Variants in RGPD4 observed in about 807,000 individuals in gnomAD.
RGPD4 encodes ranBP2-like and GRIP domain-containing protein 4.
A neutral mutation model predicts 141.1 loss-of-function variants in RGPD4; 84 were observed. The observed-to-expected ratio is 0.60, with a 90% CI of 0.50 to 0.71. The LOEUF (loss-of-function observed/expected upper bound fraction) is 0.71. Ranked by LOEUF, RGPD4 falls within the 30% of genes least tolerant of loss-of-function variation. The pLI is 0.00. For missense variants in RGPD4, 918 were observed against 1,622.4 expected (o/e 0.57, Z 7.46); for synonymous variants, 298 against 566.8 (o/e 0.53, Z 6.74).
intron 22 of RGPD4, among the ~76,000 whole-genome samples, chr2:107,883,600 C>G (rs55665592): frequency 0.064 from 8,884 of 138,628 alleles, 339 homozygotes; most frequent in Non-Finnish European, 0.094. Context: ...GTACTCCAGC[C>G]TGACGGCAGA....
At position 107,826,915 on chromosome 2, in the gene RGPD4, CG is replaced by C; in HGVS notation, c.-97del. The C allele has an allele frequency of 3.9e-6, 6 of 1,546,092 alleles. No individual in the cohort carries two copies. Among genetic ancestry groups the C allele is most frequent in the Non-Finnish European group, 4.4e-6 (5 of 1,144,978 alleles). ...TCACAGTGGTCCTCCGCCGGCTACG[CG>C]GAGTCAGTGGCTTTCAGGCGCTTTC... On this transcript the variant is annotated 5_prime_UTR_variant, in exon 1 of 23. Transcript: ENST00000408999.
intron 6 of RGPD4, among the ~76,000 whole-genome samples, chr2:107,845,474 C>G (rs551545787): frequency 1.3e-5 from 2 of 150,314 alleles, no homozygotes; most frequent in African/African-American, 5.0e-5. Context: ...TGGAGTCACT[C>G]GGGAGAATCT....
chr2:107,887,135 G>A (rs3178996), intron 22 of RGPD4, among the ~76,000 whole-genome samples: 7 of 151,250 alleles, frequency 4.6e-5, no homozygotes, highest in South Asian at 2.1e-4. Context: ...CTAGCTACTC[G>A]GGAGGCTAAG....
At chr2:107,858,059 T>C (rs1225651089) in intron 9 of RGPD4, among the ~76,000 whole-genome samples, 1 of 152,008 alleles carries the variant, frequency 6.6e-6, no homozygotes, top group Non-Finnish European at 1.5e-5. Flanking sequence ...TAAATGGTTA[T>C]GTATGATTTA....
Position 107,891,861 on chromosome 2 carries a change from G to A in RGPD4, c.*1130G>A, listed in dbSNP as rs1001480787. On this transcript the variant is annotated 3_prime_UTR_variant, in exon 23 of 23. Transcript: ENST00000408999. ...GGGATTTTAGACACCTTAGAGGTCC[G>A]TGCTACATCTTCACAGTTCCTCTGA... 1.4e-4 allele frequency among the ~76,000 whole-genome samples: 17 copies of A among 123,158 alleles called. 2 individuals are homozygous for A. The highest frequency in any genetic ancestry group is 9.9e-4 in the East Asian group (5 of 5,070). The allele number at this position is 123,158 out of a possible 152,430, so 80.8% of individuals were successfully genotyped here.
chr2:107,830,337 C>A (rs927487497), intron 1 of RGPD4, among the ~76,000 whole-genome samples: 37 of 88,432 alleles, frequency 4.2e-4, no homozygotes, highest in East Asian at 5.1e-4. Flanking sequence ...TTTTTTTAAA[C>A]AAGCTTAAAA....
At chr2:107,882,348 C>T (rs185253640) in intron 21 of RGPD4, among the ~76,000 whole-genome samples, 1 of 151,998 alleles carries the variant, frequency 6.6e-6, no homozygotes, top group Admixed American at 6.5e-5. Flanking sequence ...TCCTTCCAAC[C>T]CAAATAGCTT....
In RGPD4 at chr2:107,880,200, C is replaced by T. The variant is rs1431600456; in HGVS notation, c.5064+93C>T. On this transcript the variant is annotated intron_variant, in intron 21 of 22. Transcript: ENST00000408999. ...TACCCAAGTTTAAAAATTCACATTG[C>T]AGATGCATCTATAACGTCTTGATCT... The T allele has an allele frequency of 1.0e-4, 160 of 1,561,170 alleles. No individual in the cohort carries two copies. In the Admixed American group the frequency reaches 2.7e-3, roughly 26 times the overall value.
At position 107,884,546 on chromosome 2, in the gene RGPD4, A is replaced by G. The variant is rs1675458173; in HGVS notation, c.5266+1673A>G. On this transcript the variant is annotated intron_variant, in intron 22 of 22. Coordinates refer to ENST00000408999, the MANE Select transcript of RGPD4 (RefSeq NM_182588.3). ...ACAGGGTAACACTGAGCTTGTTCCA[A>G]TTGCCTATAAATAGGAAGATCCAGG... Among the ~76,000 whole-genome samples the G allele has an allele frequency of 3.4e-5, 5 of 147,664 alleles. No homozygotes were observed. In the Admixed American group the frequency reaches 3.4e-4, roughly 10 times the overall value.
At chr2:107,888,775 C>A (rs1675575469) in intron 22 of RGPD4, among the ~76,000 whole-genome samples, 2 of 107,220 alleles carry the variant, frequency 1.9e-5, no homozygotes, top group South Asian at 3.7e-4. Context: ...CACAGGCCAT[C>A]AGTTTAGCAG....
At chr2:107,849,455 C>T (rs1297721372) in intron 7 of RGPD4, among the ~76,000 whole-genome samples, 2 of 136,844 alleles carry the variant, frequency 1.5e-5, no homozygotes, top group Non-Finnish European at 3.1e-5. Flanking sequence ...CAAGCTCCAC[C>T]TCCCGAGTTC....
chr2:107,827,094 A>T lies in RGPD4; in HGVS notation c.72+9A>T. The T allele has an allele frequency of 6.3e-7, 1 of 1,587,862 alleles. No homozygotes were observed. The highest frequency in any genetic ancestry group is 8.6e-7 in the Non-Finnish European group (1 of 1,168,670). ...CCCCGTCGCCTCGAAAGGTGAGTGGATCTCGAAGAGACCGACGGCCTCGAC... is the reference window on the plus strand; with the variant it reads ...CCCCGTCGCCTCGAAAGGTGAGTGGTTCTCGAAGAGACCGACGGCCTCGAC... On this transcript the variant is annotated intron_variant, in intron 1 of 22. Coordinates refer to ENST00000408999, the MANE Select transcript of RGPD4 (RefSeq NM_182588.3).
Position 107,871,721 on chromosome 2 carries a change from T to C in RGPD4, c.3717T>C (p.Asn1239=). 6.2e-7 allele frequency: 1 copy of C among 1,610,540 alleles called. No individual in the cohort carries two copies. The stretch of plus-strand genomic sequence containing the variant: ...CCTCAGACACAACAATAAAACCCAA[T>C]CCTGAAAACACTGGGCCCACATTAG... ...AGASDTTIKP[N]PENTGPTLEW... Residue 1239 remains asparagine (N), a synonymous_variant, in exon 20 of 23, where the codon AAT becomes AAC. Transcript: ENST00000408999.
rs1467077823 is a variant in RGPD4, at chr2:107,859,669, G to A, written c.1635-53G>A. On this transcript the variant is annotated intron_variant, in intron 11 of 22. Coordinates refer to ENST00000408999, the MANE Select transcript of RGPD4 (RefSeq NM_182588.3). ...GACCCATTAACATATATGTATGTAA[G>A]CGCTGAACTGTGTATTTAGAAAGCA... is the stretch of plus-strand genomic sequence containing the variant. 6.2e-6 allele frequency: 10 copies of A among 1,610,972 alleles called. No homozygotes were observed. The Admixed American group carries it at 1.5e-4, about 24-fold the overall frequency.
At chr2:107,845,709 G>A (rs1273542077) in intron 6 of RGPD4, among the ~76,000 whole-genome samples, 35 of 152,074 alleles carry the variant, frequency 2.3e-4, no homozygotes, top group African/African-American at 5.8e-4. Flanking sequence ...GACTACAGGC[G>A]CCCACCACCA....
Position 107,891,268 on chromosome 2 carries a change from C to T in RGPD4, c.*537C>T, listed in dbSNP as rs1481966186. Among the ~76,000 whole-genome samples the T allele has an allele frequency of 7.4e-6, 1 of 135,078 alleles. No individual in the cohort carries two copies. Among genetic ancestry groups the T allele is most frequent in the Non-Finnish European group, 1.6e-5 (1 of 63,336 alleles). 88.6% of individuals were successfully genotyped at this position (135,078 alleles called of 152,430 possible). ...AGGCTAGTGAGCTGTGATTGTACCA[C>T]TGCACTCCAGCTCGGGGAACAGAGC... On this transcript the variant is annotated 3_prime_UTR_variant, in exon 23 of 23. Transcript: ENST00000408999.
intron 17 of RGPD4, among the ~76,000 whole-genome samples, chr2:107,865,651 G>A (rs1438853774): frequency 6.6e-6 from 1 of 152,104 alleles, no homozygotes; most frequent in Non-Finnish European, 1.5e-5. Flanking sequence ...AGGTGAGAGA[G>A]TTAATGAATT....
chr2:107,865,676 C>T (rs1227397216), intron 17 of RGPD4, among the ~76,000 whole-genome samples: 4 of 139,272 alleles, frequency 2.9e-5, no homozygotes, highest in South Asian at 2.4e-4. Context: ...TTTGTATTAA[C>T]GAATGAAAAT....
chr2:107,832,412 T>C (rs1303276303), intron 1 of RGPD4, among the ~76,000 whole-genome samples: 1 of 151,438 alleles, frequency 6.6e-6, no homozygotes, highest in East Asian at 1.9e-4. Flanking sequence ...TAGTCTCACT[T>C]GCTTTGAGGA....
Sources: allele counts gnomAD v4.1 joint callset (sites outside exome capture counted in the v4.1 genomes callset), GRCh38; gene constraint gnomAD v4.1.1; transcripts MANE v1.5; gene names NCBI Gene and HGNC (gene_info 2026-07-23, HGNC 2026-07-21).